TMEM9: variants seen among roughly 807,000 people sequenced by gnomAD.
TMEM9 encodes the protein transmembrane protein 9, also known as proton-transporting V-type ATPase complex assembly regulator TMEM9.
TMEM9 carries 13 observed loss-of-function variants against 22.8 expected under a neutral mutation model. The ratio of observed to expected loss-of-function variants is 0.57; its 90% CI spans 0.37 to 0.91. The LOEUF (loss-of-function observed/expected upper bound fraction) is 0.91. Among genes scored for constraint, TMEM9 ranks in the 40% least tolerant of loss-of-function variants. TMEM9 has a pLI of 0.01. For missense variants in TMEM9, 182 were observed against 238.1 expected, an observed-to-expected ratio of 0.76 and a Z score of 1.55; for synonymous variants, 88 against 93.0, an observed-to-expected ratio of 0.95 and a Z score of 0.31.
chr1:201,149,180 C>G (rs1258745512), intron 2 of TMEM9, among the ~76,000 whole-genome samples: 1 of 152,160 alleles, frequency 6.6e-6, no homozygotes, highest in African/African-American at 2.4e-5. Flanking sequence ...TCTGCTGTCT[C>G]CAACTCTCCT....
chr1:201,150,063 C>T (rs1665299866), intron 2 of TMEM9, among the ~76,000 whole-genome samples: 2 of 152,250 alleles, frequency 1.3e-5, no homozygotes, highest in South Asian at 4.1e-4. Context: ...CCGTCCTCTG[C>T]AGGCATCCAA....
At chr1:201,139,354 AGTTTTCCAT>A (rs1192389475) in intron 4 of TMEM9, among the ~76,000 whole-genome samples, 1 of 152,158 alleles carries the variant, frequency 6.6e-6, no homozygotes, top group Non-Finnish European at 1.5e-5. Context: ...AGCCTCTCTG[AGTTTTCCAT>A]GTTTGACCCA....
At chr1:201,148,371 T>C (rs932928045) in intron 2 of TMEM9, among the ~76,000 whole-genome samples, 1 of 152,128 alleles carries the variant, frequency 6.6e-6, no homozygotes, top group African/African-American at 2.4e-5. Context: ...CCTGTTTGGT[T>C]CAGGGACCAC....
chr1:201,169,966 C>G (rs1666172657), intron 1 of TMEM9, among the ~76,000 whole-genome samples: 1 of 152,136 alleles, frequency 6.6e-6, no homozygotes, highest in South Asian at 2.1e-4. Context: ...CAATCTTCAG[C>G]TGTGACTCCT....
At chr1:201,160,356 G>A (rs565669551) in intron 1 of TMEM9, among the ~76,000 whole-genome samples, 59 of 152,326 alleles carry the variant, frequency 3.9e-4, no homozygotes, top group Non-Finnish European at 1.9e-4. Flanking sequence ...TTGGGAGGCT[G>A]AGGCAGGCGG....
intron 1 of TMEM9, among the ~76,000 whole-genome samples, chr1:201,170,024 GAA>G (rs59330042): frequency 5.3e-5 from 8 of 151,368 alleles, no homozygotes; most frequent in Admixed American, 5.3e-4. Flanking sequence ...ACCGTTTAAG[GAA>G]AAAAAAAGAG....
At chr1:201,142,116 C>G (rs1427200935) in intron 4 of TMEM9, among the ~76,000 whole-genome samples, 1 of 152,212 alleles carries the variant, frequency 6.6e-6, no homozygotes. Flanking sequence ...CTGCCAGTGC[C>G]ACCACCTCCC....
intron 3 of TMEM9, chr1:201,145,484 A>C (rs541646439): frequency 6.6e-6 from 1 of 152,584 alleles, no homozygotes; most frequent in Admixed American, 6.5e-5. Context: ...GAGGAGCTAC[A>C]GCACAGGGCT....
intron 1 of TMEM9, among the ~76,000 whole-genome samples, chr1:201,169,961 T>G (rs1002776231): frequency 6.6e-6 from 1 of 152,194 alleles, no homozygotes; most frequent in Non-Finnish European, 1.5e-5. Context: ...ATTCCCAATC[T>G]TCAGCTGTGA....
At chr1:201,169,908 A>T (rs1045113618) in intron 1 of TMEM9, among the ~76,000 whole-genome samples, 2 of 152,196 alleles carry the variant, frequency 1.3e-5, no homozygotes, top group African/African-American at 4.8e-5. Context: ...TGCTGAACAC[A>T]ATCTACTGAA....
intron 1 of TMEM9, among the ~76,000 whole-genome samples, chr1:201,162,545 A>C (rs1211289688): frequency 6.6e-6 from 1 of 152,074 alleles, no homozygotes; most frequent in African/African-American, 2.4e-5. Context: ...GAAAAAAAAA[A>C]AAAAACCCTG....
At chr1:201,136,977 G>A (rs575533729) in intron 4 of TMEM9, among the ~76,000 whole-genome samples, 6 of 152,374 alleles carry the variant, frequency 3.9e-5, no homozygotes, top group African/African-American at 1.2e-4. Flanking sequence ...GGTGGACAGA[G>A]AACAAGCTGG....
chr1:201,161,895 A>T (rs1289482656), intron 1 of TMEM9, among the ~76,000 whole-genome samples: 2 of 152,234 alleles, frequency 1.3e-5, no homozygotes, highest in Non-Finnish European at 2.9e-5. Flanking sequence ...TTTTTAATGC[A>T]GAGACTTTAT....
chr1:201,169,741 A>G (rs1666168142), intron 1 of TMEM9, among the ~76,000 whole-genome samples: 1 of 152,060 alleles, frequency 6.6e-6, no homozygotes. Context: ...TCAGAGGGAG[A>G]TTAAATATCA....
Position 201,146,778 on chromosome 1 carries a change from C to T in TMEM9, c.229G>A (p.Glu77Lys), listed in dbSNP as rs1230091493. 6.2e-7 allele frequency: 1 copy of T among 1,614,128 alleles called. No individual in the cohort carries two copies. The highest frequency in any genetic ancestry group is 1.3e-5 in the African/African-American group (1 of 74,946). ...GTGCTGCGCTCCTCGTACCTGCACTCGCACAGCAGGCAGTAGGCCTCCACG... is the reference window on the plus strand; with the variant it reads ...GTGCTGCGCTCCTCGTACCTGCACTTGCACAGCAGGCAGTAGGCCTCCACG... ...HDVEAYCLLCECRYEERSTTT... is the reference protein window; with the variant it reads ...HDVEAYCLLCKCRYEERSTTT... The change falls in exon 3 of 5, where the codon GAG becomes AAG. Residue 77 changes from glutamate to lysine, a missense_variant. Transcript: ENST00000367330.
intron 4 of TMEM9, among the ~76,000 whole-genome samples, chr1:201,137,515 CAG>C (rs1191911115): frequency 2.4e-5 from 3 of 126,120 alleles, no homozygotes; most frequent in Non-Finnish European, 1.7e-5. Context: ...CACACACACA[CAG>C]AGTGAAAAGA....
intron 1 of TMEM9, among the ~76,000 whole-genome samples, chr1:201,166,845 G>A (rs1036664908): frequency 6.6e-6 from 1 of 152,132 alleles, no homozygotes; most frequent in South Asian, 2.1e-4. Context: ...CTCAGGTCTA[G>A]GAGCCAGGAA....
chr1:201,138,689 C>G (rs1664234603), intron 4 of TMEM9, among the ~76,000 whole-genome samples: 1 of 152,218 alleles, frequency 6.6e-6, no homozygotes, highest in South Asian at 2.1e-4. Flanking sequence ...CTCTGCTAGG[C>G]ACTTTACACA....
upstream of TMEM9, among the ~76,000 whole-genome samples, chr1:201,158,042 G>A (rs1665848123): frequency 1.3e-5 from 2 of 152,178 alleles, no homozygotes; most frequent in Non-Finnish European, 1.5e-5. Flanking sequence ...CCTTAACAGA[G>A]GAACCTTTTC....
Sources: gnomAD v4.1 joint callset for allele counts (sites outside exome capture counted in the v4.1 genomes callset) on GRCh38, gnomAD v4.1.1 for gene constraint, MANE v1.5 for transcripts, NCBI Gene and HGNC (gene_info 2026-07-23, HGNC 2026-07-21) for gene names.